Variants in PTH2R observed in about 807,000 individuals in gnomAD.
PTH2R encodes the protein PTH2 receptor.
A neutral mutation model predicts 60.3 loss-of-function variants in PTH2R; 59 were observed. The ratio of observed to expected loss-of-function variants is 0.98; its 90% CI spans 0.79 to 1.22. The LOEUF is 1.22. PTH2R is among the 50% of genes most tolerant of loss of function. The probability of loss-of-function intolerance (pLI) is 0.00; values close to 1 mark genes in which losing one functional copy is unlikely to be tolerated. For synonymous variants in PTH2R, 256 were observed against 243.8 expected (o/e 1.05, Z -0.47); for missense variants, 749 against 682.6 (o/e 1.10, Z -1.08).
chr2:208,450,092 A>G (rs1702372856), intron 7 of PTH2R, among the ~76,000 whole-genome samples: 1 of 152,238 alleles, frequency 6.6e-6, no homozygotes. Flanking sequence ...GGGGCAAACG[A>G]AAGTCGGTAT....
At chr2:208,395,269 G>C (rs796740707) in intron 1 of PTH2R, among the ~76,000 whole-genome samples, 1 of 151,800 alleles carries the variant, frequency 6.6e-6, no homozygotes, top group African/African-American at 2.4e-5. Context: ...GGATGGTCTC[G>C]ATCTCCTGAC....
chr2:208,454,017 T>TTC (rs907970864), intron 8 of PTH2R, among the ~76,000 whole-genome samples: 1 of 152,198 alleles, frequency 6.6e-6, no homozygotes, highest in African/African-American at 2.4e-5. Context: ...CGCCCTTTAC[T>TTC]TCTGTCTGAC....
chr2:208,437,742 T>C lies in PTH2R; in HGVS notation c.290-18T>C. On this transcript the variant is annotated intron_variant, in intron 3 of 12. Coordinates refer to ENST00000272847, the MANE Select transcript of PTH2R (RefSeq NM_005048.4). The stretch of plus-strand genomic sequence containing the variant: ...CTAAGGGAACTGAGCGATCTCAGCA[T>C]CTTTCATGTCTTTACAGGAGTTGCT... The C allele has an allele frequency of 6.2e-7, 1 of 1,608,872 alleles. No individual in the cohort carries two copies. Among genetic ancestry groups the C allele is most frequent in the Non-Finnish European group, 8.5e-7 (1 of 1,175,538 alleles).
chr2:208,381,397 T>A (rs1468514155), intron 1 of PTH2R, among the ~76,000 whole-genome samples: 2 of 152,132 alleles, frequency 1.3e-5, no homozygotes, highest in Non-Finnish European at 1.5e-5. Flanking sequence ...TTATCATTTT[T>A]AAAATACAAA....
chr2:208,471,097 G>A (rs544123029), intron 9 of PTH2R, among the ~76,000 whole-genome samples: 11 of 152,286 alleles, frequency 7.2e-5, no homozygotes, highest in Admixed American at 3.3e-4. Context: ...GCATTCAAGA[G>A]GTGACTTGGG....
chr2:208,390,923 A>AT (rs1401155984), intron 1 of PTH2R, among the ~76,000 whole-genome samples: 2 of 152,090 alleles, frequency 1.3e-5, no homozygotes, highest in African/African-American at 4.8e-5. Flanking sequence ...CTTAAGATCT[A>AT]TTTTTTCACA....
rs191121150 is a variant in PTH2R, at chr2:208,428,012, G to T, written c.76-189G>T. ...ATGAGATTTTTTAAAAGGCTAATCA[G>T]GTAAAAGTAAAATTGTTCTAAAACC... On this transcript the variant is annotated intron_variant, in intron 1 of 12. Transcript: ENST00000272847. 2.0e-5 allele frequency among the ~76,000 whole-genome samples: 3 copies of T among 151,668 alleles called. No homozygotes were observed. The East Asian group carries it at 5.8e-4, about 29-fold the overall frequency.
chr2:208,481,149 C>T lies in PTH2R; in HGVS notation c.1061C>T (p.Thr354Ile), dbSNP rs1437130620. The T allele has an allele frequency of 1.2e-6, 2 of 1,605,484 alleles. No homozygotes were observed. The highest frequency in any genetic ancestry group is 1.7e-6 in the Non-Finnish European group (2 of 1,173,230). The change falls in exon 10 of 13, where the codon ACA becomes ATA. Residue 354 changes from threonine (T) to isoleucine (I), a missense_variant. Thr to Ile is a moderately conservative substitution (Grantham distance 89). Coordinates refer to ENST00000272847, the MANE Select transcript of PTH2R (RefSeq NM_005048.4). ...IWETNAVGHD[T>I]RKQYRKLAKS... Reference sequence around the variant, plus strand: ...GAGACCAATGCAGTTGGGCATGACACAAGGAAGCAATACAGGTAATTTCAG... The same window carrying T: ...GAGACCAATGCAGTTGGGCATGACATAAGGAAGCAATACAGGTAATTTCAG...
At position 208,473,382 on chromosome 2, in the gene PTH2R, A is replaced by G. The variant is rs1166990161; in HGVS notation, c.982-7688A>G. Among the ~76,000 whole-genome samples the G allele has an allele frequency of 7.2e-5, 11 of 152,258 alleles. No individual in the cohort carries two copies. The East Asian group carries it at 2.1e-3, about 29-fold the overall frequency. On this transcript the variant is annotated intron_variant, in intron 9 of 12. Coordinates refer to ENST00000272847, the MANE Select transcript of PTH2R (RefSeq NM_005048.4). ...TAATGAAAGTTGATTGAAGAAAGAT[A>G]TGAAGTAGGCAATAGTAGGTAAATA...
chr2:208,446,629 G>A (rs560496438), intron 7 of PTH2R, among the ~76,000 whole-genome samples: 1 of 152,182 alleles, frequency 6.6e-6, no homozygotes, highest in South Asian at 2.1e-4. Context: ...CTTTCTCTTT[G>A]CATTTCCATT....
At chr2:208,437,973 C>G in intron 4 of PTH2R, 92 bp downstream of exon 4, 1 of 1,465,124 alleles carries the variant, frequency 6.8e-7, no homozygotes, top group South Asian at 1.3e-5. Context: ...GTATAAAAAC[C>G]CTCTTATTCC....
At chr2:208,439,511 A>G (rs190378476) in intron 4 of PTH2R, among the ~76,000 whole-genome samples, 166 of 152,136 alleles carry the variant, frequency 1.1e-3, no homozygotes, top group African/African-American at 3.6e-3. Context: ...AATAGTTAAT[A>G]AAATTTTTTT....
intron 8 of PTH2R, among the ~76,000 whole-genome samples, chr2:208,456,508 A>G (rs1702517458): frequency 6.6e-6 from 1 of 152,238 alleles, no homozygotes; most frequent in African/African-American, 2.4e-5. Context: ...CCAAGAAGCC[A>G]TCTGACATTT....
intron 2 of PTH2R, among the ~76,000 whole-genome samples, chr2:208,436,396 A>G (rs1345381626): frequency 6.6e-6 from 1 of 152,132 alleles, no homozygotes; most frequent in Non-Finnish European, 1.5e-5. Flanking sequence ...ATTTGGGGCT[A>G]TTGTGTCAAA....
chr2:208,472,560 C>G (rs1375991866), intron 9 of PTH2R, among the ~76,000 whole-genome samples: 6 of 152,144 alleles, frequency 3.9e-5, no homozygotes, highest in Non-Finnish European at 2.9e-5. Context: ...TGCACAAGCT[C>G]TCTTCTCTTG....
chr2:208,407,767 A>T (rs1701447692), intron 1 of PTH2R, among the ~76,000 whole-genome samples: 1 of 152,156 alleles, frequency 6.6e-6, no homozygotes, highest in Non-Finnish European at 1.5e-5. Flanking sequence ...TTTTGAGTCA[A>T]ATCAAATGTA....
chr2:208,479,557 A>G (rs180685016), intron 9 of PTH2R, among the ~76,000 whole-genome samples: 1 of 152,346 alleles, frequency 6.6e-6, no homozygotes, highest in South Asian at 2.1e-4. Context: ...TTCAGAAAGT[A>G]GCACTCACGT....
At chr2:208,378,432 G>T (rs1352436304) in intron 1 of PTH2R, among the ~76,000 whole-genome samples, 1 of 152,100 alleles carries the variant, frequency 6.6e-6, no homozygotes, top group Non-Finnish European at 1.5e-5. Flanking sequence ...AATATGTAAG[G>T]TAAGATTGAT....
intron 1 of PTH2R, among the ~76,000 whole-genome samples, chr2:208,394,680 G>A (rs1429145134): frequency 1.3e-5 from 2 of 152,152 alleles, no homozygotes; most frequent in Admixed American, 1.3e-4. Context: ...ACGTAATTGA[G>A]CAAGGCCCCT....
Sources: allele counts gnomAD v4.1 joint callset (sites outside exome capture counted in the v4.1 genomes callset), GRCh38; gene constraint gnomAD v4.1.1; transcripts MANE v1.5; gene names NCBI Gene and HGNC (gene_info 2026-07-23, HGNC 2026-07-21).